The following ZNF200 variants were observed in gnomAD, a reference collection of about 807,000 sequenced individuals.
ZNF200 encodes the protein zinc finger protein 200.
ZNF200 carries 35 observed loss-of-function variants against 33.6 expected under a neutral mutation model. That is an observed-to-expected ratio of 1.04 (90% CI 0.80 to 1.38). The LOEUF (loss-of-function observed/expected upper bound fraction) is 1.38. ZNF200 is among the 40% of genes most tolerant of loss of function. The pLI, the probability that ZNF200 is intolerant of heterozygous loss-of-function variation, is 0.00. For missense variants in ZNF200, 592 were observed against 470.6 expected (o/e 1.26, Z -2.39); for synonymous variants, 209 against 167.7 (o/e 1.25, Z -1.90).
chr16:3,228,117 T>C (rs1292743410), intron 4 of ZNF200, among the ~76,000 whole-genome samples: 1 of 152,160 alleles, frequency 6.6e-6, no homozygotes, highest in African/African-American at 2.4e-5. Flanking sequence ...AATTTGCACA[T>C]TTCTTGAGTT....
At position 3,235,049 on chromosome 16, in the gene ZNF200, G is replaced by T. The variant is rs1259175210; in HGVS notation, c.-144C>A. On this transcript the variant is annotated 5_prime_UTR_variant, in exon 1 of 5. Coordinates refer to ENST00000414144, the MANE Select transcript of ZNF200 (RefSeq NM_198088.3). ...GACGGCTCAGAGACTCAGGCTCCGGGAGAGATAGAAAAACTAGGCGCGAGC... is the reference window on the plus strand; with the variant it reads ...GACGGCTCAGAGACTCAGGCTCCGGTAGAGATAGAAAAACTAGGCGCGAGC... 6.6e-6 allele frequency: 1 copy of T among 152,214 alleles called. No homozygotes were observed. Among genetic ancestry groups the T allele is most frequent in the Non-Finnish European group, 1.5e-5 (1 of 68,054 alleles). The allele number at this position is 152,214 out of a possible 1,614,324, so 9.4% of individuals were successfully genotyped here.
chr16:3,228,661 AC>A, intron 4 of ZNF200, among the ~76,000 whole-genome samples: 1 of 151,916 alleles, frequency 6.6e-6, no homozygotes, highest in South Asian at 2.1e-4. Context: ...CACCCAGCTA[AC>A]TTTTGTATAT....
chr16:3,231,968 A>G (rs1958646394), intron 4 of ZNF200, among the ~76,000 whole-genome samples: 1 of 152,236 alleles, frequency 6.6e-6, no homozygotes, highest in Non-Finnish European at 1.5e-5. Context: ...ATGTAACAGC[A>G]TATAAGTGCT....
intron 4 of ZNF200, chr16:3,227,868 A>G (rs964892003): frequency 6.6e-6 from 1 of 152,166 alleles, no homozygotes; most frequent in African/African-American, 2.4e-5. Flanking sequence ...ACTTTATCAC[A>G]CACTAAACTC....
Position 3,224,741 on chromosome 16 carries a change from G to A in ZNF200, c.467-128C>T, listed in dbSNP as rs916941950. 2.6e-5 allele frequency: 32 copies of A among 1,208,430 alleles called. No homozygotes were observed. The East Asian group carries it at 3.0e-4, about 11-fold the overall frequency. The allele number at this position is 1,208,430 out of a possible 1,614,324, so 74.9% of individuals were successfully genotyped here. A position where few individuals can be genotyped will look rare whatever the true frequency, so the allele number is the denominator to read the frequency against. On this transcript the variant is annotated intron_variant, in intron 4 of 4. Coordinates refer to ENST00000414144, the MANE Select transcript of ZNF200 (RefSeq NM_198088.3). Reference sequence around the variant, plus strand: ...CTGGGGAGTGGCGGATACTGCCGTCGCACTCCTTTTCCATACTTATTGAGG... The same window carrying A: ...CTGGGGAGTGGCGGATACTGCCGTCACACTCCTTTTCCATACTTATTGAGG...
intron 4 of ZNF200, among the ~76,000 whole-genome samples, chr16:3,227,986 A>G (rs1480552517): frequency 6.6e-5 from 10 of 152,166 alleles, no homozygotes; most frequent in Non-Finnish European, 1.0e-4. Context: ...TAATAAATCA[A>G]CAAGAGGAGA....
chr16:3,232,115 T>A (rs180854468), intron 4 of ZNF200, among the ~76,000 whole-genome samples: 1 of 152,254 alleles, frequency 6.6e-6, no homozygotes, highest in African/African-American at 2.4e-5. Context: ...AACATTCAAA[T>A]ATACCTGTTG....
Position 3,232,927 on chromosome 16 carries a change from G to A in ZNF200, c.251-6C>T. On this transcript the variant is annotated splice_region_variant and splice_polypyrimidine_tract_variant and intron_variant, in intron 2 of 4. Transcript: ENST00000414144. ...CACCAAGGGACGAGGATGCACTGGG[G>A]AAAGAGGAAGGTTTAGTTAGTGAAA... 1 of 1,613,224 alleles carries A rather than the reference G, an allele frequency of 6.2e-7. No homozygotes were observed. Among genetic ancestry groups the A allele is most frequent in the East Asian group, 2.2e-5 (1 of 44,886 alleles).
chr16:3,228,645 C>G (rs1405532443), intron 4 of ZNF200, among the ~76,000 whole-genome samples: 1 of 152,044 alleles, frequency 6.6e-6, no homozygotes, highest in Non-Finnish European at 1.5e-5. Flanking sequence ...CAAGCACGCA[C>G]CACCACACCC....
In ZNF200 at chr16:3,223,816, G is replaced by C; in HGVS notation, c.*76C>G. 1 of 1,509,146 alleles carries C rather than the reference G, an allele frequency of 6.6e-7. No homozygotes were observed. The allele number at this position is 1,509,146 out of a possible 1,614,324, so 93.5% of individuals were successfully genotyped here. A position where few individuals can be genotyped will look rare whatever the true frequency, so the allele number is the denominator to read the frequency against. ...TTACACATTTATACCTTTTTAGGCA[G>C]CTTGGGAATTCAGAACTACTTATGA... On this transcript the variant is annotated 3_prime_UTR_variant, in exon 5 of 5. Transcript: ENST00000414144.
intron 4 of ZNF200, among the ~76,000 whole-genome samples, chr16:3,229,697 C>A (rs1364801464): frequency 6.6e-6 from 1 of 152,066 alleles, no homozygotes; most frequent in Non-Finnish European, 1.5e-5. Flanking sequence ...AACCCTGTCT[C>A]TACTAAAAAT....
intron 1 of ZNF200, 88 bp from the exon 2 acceptor site, chr16:3,233,924 G>T: frequency 2.9e-6 from 3 of 1,046,812 alleles, no homozygotes; most frequent in East Asian, 2.8e-5. Flanking sequence ...GAGGCTACAT[G>T]AGATCTAAAG....
intron 4 of ZNF200, chr16:3,226,917 A>G (rs1003655824): frequency 2.0e-5 from 3 of 152,222 alleles, no homozygotes; most frequent in Non-Finnish European, 2.9e-5. Context: ...ATTTCTATAA[A>G]TATGAAATAC....
chr16:3,230,206 T>C (rs1176451641), intron 4 of ZNF200, among the ~76,000 whole-genome samples: 3 of 152,118 alleles, frequency 2.0e-5, no homozygotes, highest in Non-Finnish European at 2.9e-5. Context: ...GACGCCATGC[T>C]TCTTGTACAG....
intron 4 of ZNF200, among the ~76,000 whole-genome samples, chr16:3,228,739 T>C (rs1435908735): frequency 6.6e-6 from 1 of 151,990 alleles, no homozygotes; most frequent in Non-Finnish European, 1.5e-5. Flanking sequence ...TGACCTCAGG[T>C]ATCACCCGCC....
chr16:3,232,550 G>GA lies in ZNF200; in HGVS notation c.340-4dup. 1 of 1,613,250 alleles carries GA rather than the reference G, an allele frequency of 6.2e-7. No homozygotes were observed. The highest frequency in any genetic ancestry group is 8.5e-7 in the Non-Finnish European group (1 of 1,179,918). On this transcript the variant is annotated splice_region_variant and splice_polypyrimidine_tract_variant and intron_variant, in intron 3 of 4. Transcript: ENST00000414144. ...AAATCCTCAAAGACCACCAGCTCCT[G>GA]AAAGAGCAAGAGGCCCCTTTCATCT...
Position 3,223,787 on chromosome 16 carries a change from ATT to A in ZNF200, c.*103_*104del. Reference sequence around the variant, plus strand: ...TTTATCCAATTTTGGCAATAATGAGATTTTTACACATTTATACCTTTTTAGGC... The same window carrying A: ...TTTATCCAATTTTGGCAATAATGAGATTTACACATTTATACCTTTTTAGGC... On this transcript the variant is annotated 3_prime_UTR_variant, in exon 5 of 5. Coordinates refer to ENST00000414144, the MANE Select transcript of ZNF200 (RefSeq NM_198088.3). 2.1e-6 allele frequency: 3 copies of A among 1,458,920 alleles called. No homozygotes were observed. Among genetic ancestry groups the A allele is most frequent in the Non-Finnish European group, 2.7e-6 (3 of 1,105,012 alleles). The allele number at this position is 1,458,920 out of a possible 1,614,324, so 90.4% of individuals were successfully genotyped here. A position where few individuals can be genotyped will look rare whatever the true frequency, so the allele number is the denominator to read the frequency against.
At chr16:3,230,518 T>C (rs7201625) in intron 4 of ZNF200, among the ~76,000 whole-genome samples, 1 of 152,128 alleles carries the variant, frequency 6.6e-6, no homozygotes, top group African/African-American at 2.4e-5. Context: ...GTAGCTATAA[T>C]AAGAATTATC....
Position 3,224,153 on chromosome 16 carries a change from G to A in ZNF200, c.927C>T (p.Ser309=). The A allele has an allele frequency of 6.2e-7, 1 of 1,614,170 alleles. No individual in the cohort carries two copies. Among genetic ancestry groups the A allele is most frequent in the Non-Finnish European group, 8.5e-7 (1 of 1,180,036 alleles). ...ERIHTGEKPY[S]CSQCGKNFRQ... is the part of the protein sequence containing the mutation. ...GGAAGTTTTTTCCACACTGAGAACAGGAATAAGGTTTCTCTCCTGTATGAA... is the reference window on the plus strand; with the variant it reads ...GGAAGTTTTTTCCACACTGAGAACAAGAATAAGGTTTCTCTCCTGTATGAA... The change falls in exon 5 of 5, where the codon TCC becomes TCT. Residue 309 remains serine, a synonymous_variant. Coordinates refer to ENST00000414144, the MANE Select transcript of ZNF200 (RefSeq NM_198088.3).
Sources: gnomAD v4.1 joint callset for allele counts (sites outside exome capture counted in the v4.1 genomes callset) on GRCh38, gnomAD v4.1.1 for gene constraint, MANE v1.5 for transcripts, NCBI Gene and HGNC (gene_info 2026-07-23, HGNC 2026-07-21) for gene names.